GLB1L: variants seen among roughly 807,000 people sequenced by gnomAD.
GLB1L encodes the protein beta-galactosidase-1-like protein.
In GLB1L, 58 loss-of-function variants were observed where a neutral mutation model predicts 75.7. The observed-to-expected ratio is 0.77, with a 90% confidence interval of 0.62 to 0.95. The LOEUF is 0.95. GLB1L is among the 40% of genes least tolerant of loss of function. The pLI is 0.00. For missense variants in GLB1L, 797 were observed against 805.5 expected, an observed-to-expected ratio of 0.99 and a Z score of 0.13; for synonymous variants, 296 against 303.0, an observed-to-expected ratio of 0.98 and a Z score of 0.24.
At chr2:219,241,893 T>G (rs1203617189) in intron 5 of GLB1L, among the ~76,000 whole-genome samples, 1 of 152,000 alleles carries the variant, frequency 6.6e-6, no homozygotes, top group Non-Finnish European at 1.5e-5. Flanking sequence ...AGCTATAAAA[T>G]AAGCCAGCTG....
rs1404280325 is a variant in GLB1L, at chr2:219,242,882, C to A, written c.276G>T (p.Gly92=). Residue 92 remains glycine (G), a synonymous_variant, in exon 4 of 17, where the codon GGG becomes GGT. Coordinates refer to ENST00000295759, the MANE Select transcript of GLB1L (RefSeq NM_001286423.2). ...VPWNYHEPQP[G]VYNFNGSRDL... ...CCCGGCTGCCATTAAAGTTATAGAC[C>A]CCAGGCTGTGGCTCGTGGTAGTTCC... The A allele has an allele frequency of 6.2e-7, 1 of 1,614,090 alleles. No homozygotes were observed. The highest frequency in any genetic ancestry group is 1.3e-5 in the African/African-American group (1 of 74,930).
rs758895998 is a variant in GLB1L at position 219,242,725 on chromosome 2, T to G, written c.390+43A>C. 39 of 1,610,374 alleles carry G rather than the reference T, an allele frequency of 2.4e-5. 1 individual carries two copies. The Admixed American group carries it at 6.5e-4, about 27-fold the overall frequency. On this transcript the variant is annotated intron_variant, in intron 4 of 16. Transcript: ENST00000295759. ...GGGCAGATGGGAGTAGTCTAGGAAC[T>G]GCACAAGGATAACTGGTTCTATCCC...
Position 219,237,255 on chromosome 2 carries a change from A to G in GLB1L, c.1782T>C (p.Phe594=). 5 of 1,614,188 alleles carry G rather than the reference A, an allele frequency of 3.1e-6. No individual in the cohort carries two copies. Among genetic ancestry groups the G allele is most frequent in the Non-Finnish European group, 4.2e-6 (5 of 1,180,028 alleles). ...QTLYVPRFLL[F]PRGALNKITL... ...TAATTTTGTTGAGGGCTCCCCTAGGAAACAGCAGGAATCTTGGCACGTAGA... is the reference window on the plus strand; with the variant it reads ...TAATTTTGTTGAGGGCTCCCCTAGGGAACAGCAGGAATCTTGGCACGTAGA... The change falls in exon 17 of 17, where the codon TTT becomes TTC. Residue 594 remains phenylalanine (F), a synonymous_variant. Coordinates refer to ENST00000295759, the MANE Select transcript of GLB1L (RefSeq NM_001286423.2).
chr2:219,240,391 C>G, intron 5 of GLB1L, 106 bp from the exon 6 acceptor site: 1 of 902,766 alleles, frequency 1.1e-6, no homozygotes, highest in South Asian at 1.3e-5. Flanking sequence ...ACCCTAAGCA[C>G]CTTGTATATT....
chr2:219,238,847 G>A lies in GLB1L; in HGVS notation c.1063-68C>T, dbSNP rs73079103. The A allele has an allele frequency of 1.1e-3, 1,473 of 1,398,732 alleles. 14 individuals are homozygous for A. The African/African-American group carries it at 0.019, about 18-fold the overall frequency. 86.6% of individuals were successfully genotyped at this position (1,398,732 alleles called of 1,614,324 possible). ...AACAATACCTATTCCAAGACTCTAG[G>A]GCAGAGTTCCTAACCTGGGGCCCAG... On this transcript the variant is annotated intron_variant, in intron 11 of 16. Transcript: ENST00000295759.
chr2:219,243,310 T>C lies in GLB1L; in HGVS notation c.77A>G (p.Asp26Gly), dbSNP rs749594077. ...LSLTLLLPQADTRSFVVDRGH... is the reference protein window; with the variant it reads ...LSLTLLLPQAGTRSFVVDRGH... ...CCTATCCACTACGAACGACCGAGTG[T>C]CTGCCTATAAAGAGAAAGAGACGCT... is the stretch of plus-strand genomic sequence containing the variant. Residue 26 changes from aspartate to glycine, a missense_variant, in exon 3 of 17, where the codon GAC becomes GGC. Physicochemically the swap from Asp to Gly is moderately conservative, Grantham distance 94. Coordinates refer to ENST00000295759, the MANE Select transcript of GLB1L (RefSeq NM_001286423.2). The C allele has an allele frequency of 3.1e-6, 5 of 1,596,504 alleles. No homozygotes were observed. The highest frequency in any genetic ancestry group is 4.3e-6 in the Non-Finnish European group (5 of 1,168,868).
Position 219,238,539 on chromosome 2 carries a change from G to GC in GLB1L, c.1182dup (p.Pro395AlafsTer11), listed in dbSNP as rs764699372. ...GTCATTGGCAAGATTGAATGAATGGGCCCACGGGGGCAAAGCAAGTCTAGG... is the reference window on the plus strand; with the variant it reads ...GTCATTGGCAAGATTGAATGAATGGGCCCCACGGGGGCAAAGCAAGTCTAGG... On this transcript the variant is annotated frameshift_variant, in exon 13 of 17. Transcript: ENST00000295759. LOFTEE classifies it high-confidence loss of function. The GC allele has an allele frequency of 6.2e-7, 1 of 1,614,172 alleles. No homozygotes were observed. The highest frequency in any genetic ancestry group is 8.5e-7 in the Non-Finnish European group (1 of 1,180,012).
At position 219,237,833 on chromosome 2, in the gene GLB1L, T is replaced by C; in HGVS notation, c.1466A>G (p.Asp489Gly). 1 of 1,614,156 alleles carries C rather than the reference T, an allele frequency of 6.2e-7. No individual in the cohort carries two copies. The highest frequency in any genetic ancestry group is 8.5e-7 in the Non-Finnish European group (1 of 1,179,998). ...TAGGCAAAGCTAGCTCACCTTGAAG[T>C]CACTGCTGTTAGACCCAAAGCTGAG... ...GRLSFGSNSSDFKGLLKPPIL... is the reference protein window; with the variant it reads ...GRLSFGSNSSGFKGLLKPPIL... The change falls in exon 15 of 17, where the codon GAC becomes GGC. Residue 489 changes from aspartate to glycine, a missense_variant. Coordinates refer to ENST00000295759, the MANE Select transcript of GLB1L (RefSeq NM_001286423.2).
In GLB1L at chr2:219,239,780, G is replaced by T. The variant is rs945138491; in HGVS notation, c.775C>A (p.Pro259Thr). ...ACTCCTCTCTGGCCCCTCACCAATGGCCCATGGGGTTCATACTTCCGAAGC... is the reference window on the plus strand; with the variant it reads ...ACTCCTCTCTGGCCCCTCACCAATGTCCCATGGGGTTCATACTTCCGAAGC... ...TLLRKYEPHG[P>T]LVNSEYYTGW... The change falls in exon 8 of 17, where the codon CCA (proline) becomes ACA (threonine). Residue 259 changes from proline (P) to threonine (T), a missense_variant. Transcript: ENST00000295759. The T allele has an allele frequency of 1.2e-6, 2 of 1,614,058 alleles. No homozygotes were observed. Among genetic ancestry groups the T allele is most frequent in the Non-Finnish European group, 1.7e-6 (2 of 1,180,034 alleles).
intron 5 of GLB1L, among the ~76,000 whole-genome samples, chr2:219,241,436 G>GTATATACATATA (rs1382396720): frequency 1.2e-5 from 1 of 84,308 alleles, no homozygotes; most frequent in Admixed American, 1.6e-4. Flanking sequence ...GTGTGTGTGT[G>GTATATACATATA]TGTGTGTATA....
intron 12 of GLB1L, 47 bp downstream of exon 12, chr2:219,238,658 T>C: frequency 6.3e-7 from 1 of 1,598,436 alleles, no homozygotes; most frequent in Non-Finnish European, 8.6e-7. Context: ...ATAGGCTATT[T>C]AGAAAAAAAA....
chr2:219,237,764 A>T (rs944735846), intron 15 of GLB1L, 37 bp from the exon 16 acceptor site: 10 of 1,612,968 alleles, frequency 6.2e-6, no homozygotes, highest in African/African-American at 1.3e-5. Context: ...TCATTCACTA[A>T]GCTTTGAAGC....
At position 219,236,972 on chromosome 2, in the gene GLB1L, GC is replaced by G. The variant is rs1951259360; in HGVS notation, c.*99del. Reference sequence around the variant, plus strand: ...GTGGAGACGGGGTTTCACCATGTTGGCCAGGCTGGTCTTGAAGTCCTGACCT... The same window carrying G: ...GTGGAGACGGGGTTTCACCATGTTGGCAGGCTGGTCTTGAAGTCCTGACCT... On this transcript the variant is annotated 3_prime_UTR_variant, in exon 17 of 17. Coordinates refer to ENST00000295759, the MANE Select transcript of GLB1L (RefSeq NM_001286423.2). The G allele has an allele frequency of 1.2e-6, 1 of 827,188 alleles. No homozygotes were observed. Among genetic ancestry groups the G allele is most frequent in the Non-Finnish European group, 1.9e-6 (1 of 515,802 alleles). 51.2% of individuals were successfully genotyped at this position (827,188 alleles called of 1,614,324 possible).
chr2:219,239,482 A>G, intron 9 of GLB1L, 31 bp from the exon 10 acceptor site: 1 of 1,611,862 alleles, frequency 6.2e-7, no homozygotes, highest in South Asian at 1.1e-5. Context: ...GGAACAGGTA[A>G]AAGCTGACTC....
intron 4 of GLB1L, 46 bp from the exon 5 acceptor site, chr2:219,242,620 T>C: frequency 6.4e-7 from 1 of 1,555,140 alleles, no homozygotes; most frequent in Non-Finnish European, 8.9e-7. Context: ...GGTTTTGTTT[T>C]GGGGTGTGGT....
At chr2:219,237,784 C>T in intron 15 of GLB1L, 42 bp downstream of exon 15, 4 of 1,613,012 alleles carry the variant, frequency 2.5e-6, no homozygotes, top group Non-Finnish European at 3.4e-6. Context: ...CTAAGTTATC[C>T]TTAATCAAGC....
At position 219,240,668 on chromosome 2, in the gene GLB1L, C is replaced by T. The variant is rs1366338631; in HGVS notation, c.452-383G>A. The stretch of plus-strand genomic sequence containing the variant: ...CTGAGACAGGAGAATCGCTTGAACC[C>T]GGGAGGCAGAGGTTGCAGTGAGCCG... On this transcript the variant is annotated intron_variant, in intron 5 of 16. Transcript: ENST00000295759. Among the ~76,000 whole-genome samples the T allele has an allele frequency of 4.6e-5, 7 of 152,024 alleles. 1 individual carries two copies. The highest frequency in any genetic ancestry group is 4.1e-4 in the South Asian group (2 of 4,824).
At chr2:219,239,535 A>G in intron 9 of GLB1L, 26 bp downstream of exon 9, 1 of 1,614,172 alleles carries the variant, frequency 6.2e-7, no homozygotes, top group Non-Finnish European at 8.5e-7. Flanking sequence ...CTACAGATTC[A>G]TATTGCCCCC....
chr2:219,239,949 C>A lies in GLB1L; in HGVS notation c.692G>T (p.Gly231Val). The A allele has an allele frequency of 1.9e-6, 3 of 1,614,136 alleles. No homozygotes were observed. The highest frequency in any genetic ancestry group is 3.3e-5 in the Admixed American group (2 of 60,016). ...GCCAAAATCTACAGTGGTATAGAGT[C>A]CCCGGAGGGAGCCACACTTGAGTCC... is the stretch of plus-strand genomic sequence containing the variant. ...PEGLKCGSLR[G>V]LYTTVDFGPA... Residue 231 changes from glycine to valine, a missense_variant, in exon 7 of 17, where the codon GGA (glycine) becomes GTA (valine). Physicochemically the swap from Gly to Val is moderately radical, Grantham distance 109. Coordinates refer to ENST00000295759, the MANE Select transcript of GLB1L (RefSeq NM_001286423.2).
Sources: allele counts gnomAD v4.1 joint callset (sites outside exome capture counted in the v4.1 genomes callset), GRCh38; gene constraint gnomAD v4.1.1; transcripts MANE v1.5; gene names NCBI Gene and HGNC (gene_info 2026-07-23, HGNC 2026-07-21).